The following PTPRR variants were observed in gnomAD, a reference collection of about 807,000 sequenced individuals.
PTPRR encodes receptor-type tyrosine-protein phosphatase R.
Under a neutral mutation model 77.2 loss-of-function variants are expected in PTPRR, and 38 were observed. The ratio of observed to expected loss-of-function variants is 0.49; its 90% CI spans 0.38 to 0.65. The LOEUF is 0.65. PTPRR is among the 30% of genes least tolerant of loss of function. The pLI is 0.00. For synonymous variants in PTPRR, 299 were observed against 283.1 expected (o/e 1.06, Z -0.57); for missense variants, 744 against 799.2 (o/e 0.93, Z 0.83).
intron 2 of PTPRR, among the ~76,000 whole-genome samples, chr12:70,880,596 T>C (rs996652086): frequency 1.3e-5 from 2 of 152,212 alleles, no homozygotes; most frequent in Admixed American, 6.5e-5. Context: ...GAATATAAAC[T>C]ACACAGCTGC....
At chr12:70,891,404 C>T (rs1419928219) in intron 2 of PTPRR, among the ~76,000 whole-genome samples, 2 of 152,068 alleles carry the variant, frequency 1.3e-5, no homozygotes, top group Non-Finnish European at 2.9e-5. Context: ...ACAGAGACAT[C>T]ATTAACATCA....
chr12:70,750,816 A>G (rs1419820946), intron 5 of PTPRR, among the ~76,000 whole-genome samples: 1 of 152,170 alleles, frequency 6.6e-6, no homozygotes, highest in Non-Finnish European at 1.5e-5. Context: ...TGTAGCCTCA[A>G]ACCCCTGGGC....
chr12:70,720,072 A>G (rs1203287711), intron 6 of PTPRR, among the ~76,000 whole-genome samples: 1 of 152,218 alleles, frequency 6.6e-6, no homozygotes, highest in African/African-American at 2.4e-5. Context: ...GGCTGAAGAG[A>G]TTATTTTATT....
intron 2 of PTPRR, among the ~76,000 whole-genome samples, chr12:70,864,978 A>T (rs563248395): frequency 6.6e-6 from 1 of 151,604 alleles, no homozygotes; most frequent in African/African-American, 2.4e-5. Context: ...CACCTGGCTA[A>T]TTTTTTTTGT....
chr12:70,775,123 G>C (rs1244220379), intron 2 of PTPRR, among the ~76,000 whole-genome samples: 1 of 152,140 alleles, frequency 6.6e-6, no homozygotes, highest in African/African-American at 2.4e-5. Context: ...CTTTACAACA[G>C]TACATAATTT....
chr12:70,703,106 G>T (rs1328717984), intron 6 of PTPRR, among the ~76,000 whole-genome samples: 1 of 149,714 alleles, frequency 6.7e-6, no homozygotes, highest in East Asian at 2.0e-4. Context: ...AATTATGCTT[G>T]TTATTTTTCC....
At chr12:70,819,328 G>A (rs1891964233) in intron 2 of PTPRR, among the ~76,000 whole-genome samples, 1 of 152,088 alleles carries the variant, frequency 6.6e-6, no homozygotes, top group Non-Finnish European at 1.5e-5. Context: ...AAACAAGAAA[G>A]AATAAAGAGC....
intron 2 of PTPRR, among the ~76,000 whole-genome samples, chr12:70,783,677 G>A (rs953110364): frequency 3.9e-5 from 6 of 152,130 alleles, no homozygotes; most frequent in African/African-American, 1.4e-4. Context: ...CCGGACCCCA[G>A]GCTTTACTGG....
At chr12:70,884,543 C>A (rs1324019409) in intron 2 of PTPRR, among the ~76,000 whole-genome samples, 2 of 152,032 alleles carry the variant, frequency 1.3e-5, no homozygotes, top group African/African-American at 2.4e-5. Context: ...TGCAGATCCC[C>A]CTTTTTGACA....
rs574003537 is a variant in PTPRR, at chr12:70,815,619, T to C, written c.358-50841A>G. The stretch of plus-strand genomic sequence containing the variant: ...ATGAGACTACTTGGGGGGACAGATT[T>C]AGCATCATGAAAATGGAGACTTCAA... On this transcript the variant is annotated intron_variant, in intron 2 of 13. Coordinates refer to ENST00000283228, the MANE Select transcript of PTPRR (RefSeq NM_002849.4). Among the ~76,000 whole-genome samples the C allele has an allele frequency of 4.6e-5, 7 of 152,296 alleles. No homozygotes were observed. The East Asian group carries it at 1.4e-3, about 29-fold the overall frequency.
chr12:70,666,812 C>T (rs949242728), intron 10 of PTPRR, among the ~76,000 whole-genome samples: 1 of 151,936 alleles, frequency 6.6e-6, no homozygotes, highest in Non-Finnish European at 1.5e-5. Flanking sequence ...GACCAACACT[C>T]ATAAGACTGA....
At chr12:70,676,763 T>C (rs1252332684) in intron 10 of PTPRR, among the ~76,000 whole-genome samples, 5 of 152,018 alleles carry the variant, frequency 3.3e-5, no homozygotes, top group Non-Finnish European at 1.5e-5. Flanking sequence ...TTCCATTCCA[T>C]TGGTCTATGT....
chr12:70,664,913 G>C (rs1021927184), intron 10 of PTPRR, among the ~76,000 whole-genome samples: 2 of 152,174 alleles, frequency 1.3e-5, no homozygotes, highest in African/African-American at 4.8e-5. Flanking sequence ...TTTTGAATAT[G>C]AGGTGGGGGA....
intron 2 of PTPRR, among the ~76,000 whole-genome samples, chr12:70,860,246 T>C (rs1892729524): frequency 6.6e-6 from 1 of 152,132 alleles, no homozygotes; most frequent in Non-Finnish European, 1.5e-5. Flanking sequence ...TACATACATC[T>C]TGTGTAAAAT....
chr12:70,810,057 T>C (rs1030452621), intron 2 of PTPRR, among the ~76,000 whole-genome samples: 7 of 152,220 alleles, frequency 4.6e-5, no homozygotes, highest in African/African-American at 9.6e-5. Flanking sequence ...CCAGCAGTCA[T>C]GTAAATACAG....
At chr12:70,896,585 C>A (rs182302600) in intron 1 of PTPRR, among the ~76,000 whole-genome samples, 49 of 151,630 alleles carry the variant, frequency 3.2e-4, no homozygotes, top group African/African-American at 1.1e-3. Flanking sequence ...AGAATATTTC[C>A]AAAATTTGGA....
intron 6 of PTPRR, among the ~76,000 whole-genome samples, chr12:70,717,034 A>G (rs1889056653): frequency 6.6e-6 from 1 of 152,222 alleles, no homozygotes; most frequent in Non-Finnish European, 1.5e-5. Context: ...GGCAGTGAAG[A>G]ATATGTAAAA....
chr12:70,880,253 T>C (rs1363689291), intron 2 of PTPRR, among the ~76,000 whole-genome samples: 1 of 152,122 alleles, frequency 6.6e-6, no homozygotes, highest in Non-Finnish European at 1.5e-5. Flanking sequence ...ATTATGAGTA[T>C]CACTTTTTTT....
intron 2 of PTPRR, among the ~76,000 whole-genome samples, chr12:70,802,941 A>G (rs898995605): frequency 6.6e-6 from 1 of 152,206 alleles, no homozygotes; most frequent in African/African-American, 2.4e-5. Flanking sequence ...TGTCAAATTT[A>G]CCTACTTTAA....
Sources: allele counts gnomAD v4.1 joint callset (sites outside exome capture counted in the v4.1 genomes callset), GRCh38; gene constraint gnomAD v4.1.1; transcripts MANE v1.5; gene names NCBI Gene and HGNC (gene_info 2026-07-23, HGNC 2026-07-21).